The following SNRPA variants were observed in gnomAD, a reference collection of about 807,000 sequenced individuals.
SNRPA encodes the protein small nuclear ribonucleoprotein polypeptide A, also known as U1 small nuclear ribonucleoprotein A.
A neutral mutation model predicts 24.5 loss-of-function variants in SNRPA; 10 were observed. The ratio of observed to expected loss-of-function variants is 0.41; its 90% CI spans 0.25 to 0.69. The LOEUF is 0.69. SNRPA is among the 30% of genes least tolerant of loss of function. The pLI, the probability that SNRPA is intolerant of heterozygous loss-of-function variation, is 0.33. For synonymous variants in SNRPA, 165 were observed against 148.4 expected (o/e 1.11, Z -0.81); for missense variants, 283 against 394.7 (o/e 0.72, Z 2.40).
At chr19:40,755,359 A>G (rs2082904749) in intron 1 of SNRPA, among the ~76,000 whole-genome samples, 1 of 137,106 alleles carries the variant, frequency 7.3e-6, no homozygotes, top group African/African-American at 2.8e-5. Context: ...GATCTGCCTC[A>G]GCCTCCCAAA....
At chr19:40,762,880 C>T in intron 3 of SNRPA, 21 bp from the exon 4 acceptor site, 2 of 1,611,378 alleles carry the variant, frequency 1.2e-6, no homozygotes, top group Non-Finnish European at 8.5e-7. Context: ...TAACCACGCA[C>T]TCTCCTCCCT....
At chr19:40,761,122 T>G in intron 3 of SNRPA, among the ~76,000 whole-genome samples, 1 of 143,358 alleles carries the variant, frequency 7.0e-6, no homozygotes, top group Admixed American at 7.0e-5. Flanking sequence ...ACCACGTCCA[T>G]GTGCAAAAAA....
chr19:40,762,919 C>T lies in SNRPA; in HGVS notation c.445C>T (p.Gln149Ter). ...TCCACAGGGCATGCCGCCGATGACT[C>T]AGGCGCCCCGCATTATGCACCACAT... ...GPVPGMPPMTQAPRIMHHMPG... is the reference protein window; with the variant it reads ...GPVPGMPPMT Residue 149 changes from glutamine (Q) to a stop codon, truncating the protein, a stop_gained, in exon 4 of 6, where the codon CAG becomes TAG. Transcript: ENST00000243563. LOFTEE classifies it high-confidence loss of function. 1.9e-6 allele frequency: 3 copies of T among 1,613,792 alleles called. No homozygotes were observed. The highest frequency in any genetic ancestry group is 2.5e-6 in the Non-Finnish European group (3 of 1,179,952).
chr19:40,759,300 T>C (rs2082921376), intron 2 of SNRPA, 131 bp from the exon 3 acceptor site: 6 of 819,532 alleles, frequency 7.3e-6, no homozygotes, highest in Non-Finnish European at 1.1e-5. Flanking sequence ...TCTGCTCGCT[T>C]TAGCCTCCCA....
intron 1 of SNRPA, among the ~76,000 whole-genome samples, chr19:40,755,550 A>G (rs1476503898): frequency 6.6e-6 from 1 of 152,014 alleles, no homozygotes; most frequent in Non-Finnish European, 1.5e-5. Context: ...TAATTTTTGT[A>G]TCTTTTGTAG....
At chr19:40,752,496 A>G (rs1466907542) in intron 1 of SNRPA, among the ~76,000 whole-genome samples, 1 of 147,332 alleles carries the variant, frequency 6.8e-6, no homozygotes, top group African/African-American at 2.5e-5. Context: ...TAAGCCCAAC[A>G]CTTTGGGAGG....
intron 1 of SNRPA, 75 bp from the exon 2 acceptor site, chr19:40,757,257 G>T: frequency 7.0e-7 from 1 of 1,423,076 alleles, no homozygotes; most frequent in Non-Finnish European, 9.8e-7. Flanking sequence ...CCCATCAATT[G>T]GCTGATGGTC....
chr19:40,763,731 C>T, intron 5 of SNRPA, 56 bp downstream of exon 5: 2 of 1,402,526 alleles, frequency 1.4e-6, no homozygotes, highest in Non-Finnish European at 2.0e-6. Context: ...GGAGGCATCT[C>T]CATGGAAACA....
chr19:40,751,542 C>T (rs1011331715), intron 1 of SNRPA, 61 bp downstream of exon 1: 13 of 1,159,516 alleles, frequency 1.1e-5, no homozygotes, highest in African/African-American at 4.5e-5. Context: ...CCTCTTCCGT[C>T]CCCTGCACCC....
chr19:40,757,030 G>A, intron 1 of SNRPA: 1 of 333,902 alleles, frequency 3.0e-6, no homozygotes, highest in Non-Finnish European at 5.7e-6. Context: ...GGTGCTGGTG[G>A]CAGTGAAAAG....
intron 2 of SNRPA, among the ~76,000 whole-genome samples, chr19:40,758,133 A>G (rs2082916274): frequency 6.6e-6 from 1 of 150,918 alleles, no homozygotes; most frequent in Non-Finnish European, 1.5e-5. Flanking sequence ...TACCTGGCTG[A>G]TTTTTTTATT....
chr19:40,763,709 G>C, intron 5 of SNRPA, 34 bp downstream of exon 5: 1 of 1,549,544 alleles, frequency 6.5e-7, no homozygotes, highest in Non-Finnish European at 8.9e-7. Flanking sequence ...GGTCCCTGGA[G>C]GGTGATGGCC....
chr19:40,752,212 C>T (rs902193457), intron 1 of SNRPA, among the ~76,000 whole-genome samples: 4 of 151,944 alleles, frequency 2.6e-5, no homozygotes, highest in Non-Finnish European at 5.9e-5. Flanking sequence ...TGGCGCATGC[C>T]TATAATCCCA....
chr19:40,763,833 GGGCCCAC>G (rs1285870696), intron 5 of SNRPA, among the ~76,000 whole-genome samples, 158 bp downstream of exon 5: 3 of 152,144 alleles, frequency 2.0e-5, no homozygotes, highest in Admixed American at 6.5e-5. Flanking sequence ...GGCTGTGGCT[GGGCCCAC>G]GGCCTGTGGG....
At chr19:40,760,368 G>A (rs1320749587) in intron 3 of SNRPA, among the ~76,000 whole-genome samples, 2 of 152,184 alleles carry the variant, frequency 1.3e-5, no homozygotes, top group Non-Finnish European at 2.9e-5. Flanking sequence ...GTAGCACTGA[G>A]GGGTAAATCC....
At chr19:40,764,302 G>A (rs761020698) in intron 5 of SNRPA, among the ~76,000 whole-genome samples, 31 of 152,170 alleles carry the variant, frequency 2.0e-4, no homozygotes, top group Non-Finnish European at 4.1e-4. Flanking sequence ...GCTGCACTGC[G>A]TGGCACTTAG....
In SNRPA at chr19:40,759,422, G is replaced by C. The variant is rs768641839; in HGVS notation, c.247-9G>C. ...ACGCTCTTAACCCGTTCTGCTCTCT[G>C]TTTGGTAGCGTATCCAGTATGCCAA... On this transcript the variant is annotated splice_polypyrimidine_tract_variant and intron_variant, in intron 2 of 5. Coordinates refer to ENST00000243563, the MANE Select transcript of SNRPA (RefSeq NM_004596.5). The C allele has an allele frequency of 1.2e-6, 2 of 1,609,236 alleles. No individual in the cohort carries two copies. The highest frequency in any genetic ancestry group is 2.2e-5 in the South Asian group (2 of 90,846).
chr19:40,753,397 T>G (rs867539247), intron 1 of SNRPA, among the ~76,000 whole-genome samples: 4 of 113,734 alleles, frequency 3.5e-5, no homozygotes, highest in African/African-American at 9.3e-5. Flanking sequence ...TTTTTTTTTT[T>G]TTTTTTTTTT....
rs778183482 is a variant in SNRPA at position 40,762,976 on chromosome 19, G to C, written c.502G>C (p.Gly168Arg). 10 of 1,613,288 alleles carry C rather than the reference G, an allele frequency of 6.2e-6. No homozygotes were observed. In the South Asian group the frequency reaches 8.8e-5, roughly 14 times the overall value. ...CCAGCCGCCCTACATGCCGCCCCCT[G>C]GTATGATCCCCCCGCCAGGCCTTGC... is the stretch of plus-strand genomic sequence containing the variant. Reference protein sequence around the residue: ...PGQPPYMPPPGMIPPPGLAPG... With the variant: ...PGQPPYMPPPRMIPPPGLAPG... Residue 168 changes from glycine to arginine, a missense_variant, in exon 4 of 6, where the codon GGT becomes CGT. Gly to Arg is a moderately radical substitution (Grantham distance 125, BLOSUM62 -2). Around this residue, in one of 6 missense-constraint regions of SNRPA, gnomAD observed 167 missense variants for 174.3 expected, o/e 0.96. Transcript: ENST00000243563.
Sources: allele counts gnomAD v4.1 joint callset (sites outside exome capture counted in the v4.1 genomes callset), GRCh38; gene constraint gnomAD v4.1.1; regional missense constraint gnomAD v4.1.1; transcripts MANE v1.5; gene names NCBI Gene and HGNC (gene_info 2026-07-23, HGNC 2026-07-21).